The following MARCHF6 variants were observed in gnomAD, a reference collection of about 807,000 sequenced individuals.
MARCHF6 encodes the protein E3 ubiquitin-protein ligase MARCHF6.
Under a neutral mutation model 133.7 loss-of-function variants are expected in MARCHF6, and 31 were observed. The ratio of observed to expected loss-of-function variants is 0.23; its 90% CI spans 0.17 to 0.31. The LOEUF is 0.31. Ranked by LOEUF, MARCHF6 falls within the 10% of genes least tolerant of loss-of-function variation. The pLI is 1.00. For synonymous variants in MARCHF6, 395 were observed against 402.5 expected (o/e 0.98, Z 0.22); for missense variants, 723 against 1,121.6 (o/e 0.64, Z 5.08).
intron 6 of MARCHF6, 97 bp downstream of exon 6, chr5:10,390,597 AAAC>A (rs1290372741): frequency 8.8e-5 from 104 of 1,180,278 alleles, no homozygotes; most frequent in Non-Finnish European, 1.2e-6. Context: ...TGTCCCTCAT[AAAC>A]ATTCTTTTGT....
At chr5:10,372,682 C>G (rs768914350) in intron 1 of MARCHF6, among the ~76,000 whole-genome samples, 1 of 152,210 alleles carries the variant, frequency 6.6e-6, no homozygotes, top group Non-Finnish European at 1.5e-5. Flanking sequence ...AATAACAACA[C>G]TCATTATGTG....
Position 10,405,594 on chromosome 5 carries a change from T to C in MARCHF6, c.1369T>C (p.Leu457=), listed in dbSNP as rs925107663. 6 of 1,610,186 alleles carry C rather than the reference T, an allele frequency of 3.7e-6. No homozygotes were observed. Among genetic ancestry groups the C allele is most frequent in the Non-Finnish European group, 5.1e-6 (6 of 1,178,748 alleles). Residue 457 remains leucine (L), a synonymous_variant, in exon 16 of 26, where the codon TTG becomes CTG. Coordinates refer to ENST00000274140, the MANE Select transcript of MARCHF6 (RefSeq NM_005885.4). Reference sequence around the variant, plus strand: ...TGGTGTCCTGTGGTTTCTAAGGAATTTGAATGATCCAGATTTCAATCCAGT... The same window carrying C: ...TGGTGTCCTGTGGTTTCTAAGGAATCTGAATGATCCAGATTTCAATCCAGT... ...RPGVLWFLRN[L]NDPDFNPVQE...
At position 10,353,913 on chromosome 5, in the gene MARCHF6, G is replaced by A; in HGVS notation, c.15G>A (p.Glu5=). MDTA[E]EDICRVCRSE... ...CCCCAGACAAGATGGACACCGCGGA[G>A]GAAGGTAAGTCGGCGACGCGCGGCG... The change falls in exon 1 of 26, where the codon GAG becomes GAA. Residue 5 remains glutamate, a synonymous_variant. Transcript: ENST00000274140. The A allele has an allele frequency of 1.3e-6, 2 of 1,563,590 alleles. No individual in the cohort carries two copies. Among genetic ancestry groups the A allele is most frequent in the African/African-American group, 1.4e-5 (1 of 72,790 alleles).
chr5:10,402,225 T>C, intron 12 of MARCHF6, 86 bp downstream of exon 12: 1 of 1,114,058 alleles, frequency 9.0e-7, no homozygotes, highest in South Asian at 1.3e-5. Flanking sequence ...TGTCTATCCT[T>C]GTCCTCTTAG....
chr5:10,384,733 C>T (rs1342614631), intron 4 of MARCHF6, among the ~76,000 whole-genome samples: 2 of 152,122 alleles, frequency 1.3e-5, no homozygotes, highest in South Asian at 2.1e-4. Flanking sequence ...ATCTGGAACA[C>T]GTATACAGTG....
At chr5:10,419,966 G>T (rs867273103) in intron 22 of MARCHF6, among the ~76,000 whole-genome samples, 1 of 152,180 alleles carries the variant, frequency 6.6e-6, no homozygotes, top group Non-Finnish European at 1.5e-5. Flanking sequence ...GAATCATTTG[G>T]CTGGAAACAC....
intron 11 of MARCHF6, 96 bp from the exon 12 acceptor site, chr5:10,401,963 A>G (rs530549884): frequency 1.7e-5 from 13 of 755,710 alleles, no homozygotes; most frequent in East Asian, 7.9e-5. Flanking sequence ...TGTCTCAACA[A>G]TTCTCTTTTA....
intron 1 of MARCHF6, among the ~76,000 whole-genome samples, chr5:10,363,871 A>G (rs551423301): frequency 2.0e-5 from 3 of 152,326 alleles, no homozygotes; most frequent in South Asian, 2.1e-4. Flanking sequence ...CATATTTTCT[A>G]TGATCCTATT....
intron 1 of MARCHF6, among the ~76,000 whole-genome samples, chr5:10,369,810 C>G (rs1314657665): frequency 6.6e-6 from 1 of 152,022 alleles, no homozygotes; most frequent in Non-Finnish European, 1.5e-5. Context: ...ATCATCGTTG[C>G]ATGTATCACT....
At chr5:10,410,416 A>G in intron 18 of MARCHF6, 140 bp downstream of exon 18, 1 of 973,856 alleles carries the variant, frequency 1.0e-6, no homozygotes, top group Non-Finnish European at 1.5e-6. Flanking sequence ...TTGCAATTGC[A>G]TATAATACTT....
rs148915065 is a variant in MARCHF6, at chr5:10,422,485, C to A, written c.2284-1250C>A. On this transcript the variant is annotated intron_variant, in intron 22 of 25. Coordinates refer to ENST00000274140, the MANE Select transcript of MARCHF6 (RefSeq NM_005885.4). ...AATCAAAACAAGCTTCAAAAAACTG[C>A]ATTGTCATTGGACTTTTTTTCTGTA... 8.4e-3 allele frequency among the ~76,000 whole-genome samples: 1,286 copies of A among 152,210 alleles called. 15 individuals carry two copies. Among genetic ancestry groups the A allele is most frequent in the Non-Finnish European group, 0.013 (912 of 67,990 alleles).
At chr5:10,410,530 A>T (rs1739160185) in intron 18 of MARCHF6, among the ~76,000 whole-genome samples, 1 of 151,902 alleles carries the variant, frequency 6.6e-6, no homozygotes, top group Non-Finnish European at 1.5e-5. Context: ...TTCATGGAGT[A>T]AATGTCTTTT....
intron 24 of MARCHF6, among the ~76,000 whole-genome samples, chr5:10,427,159 C>T (rs1740129841): frequency 6.6e-6 from 1 of 152,202 alleles, no homozygotes; most frequent in African/African-American, 2.4e-5. Context: ...CTCTGGTCTC[C>T]AAGTGTCCCA....
At chr5:10,400,640 A>G (rs1045997206) in intron 10 of MARCHF6, 144 bp from the exon 11 acceptor site, 1 of 625,700 alleles carries the variant, frequency 1.6e-6, no homozygotes, top group Admixed American at 2.8e-5. Flanking sequence ...GTTACAGAGA[A>G]TGTCCTAGGC....
At position 10,430,000 on chromosome 5, in the gene MARCHF6, C is replaced by T. The variant is rs766225956; in HGVS notation, c.2614C>T (p.Arg872Cys). Residue 872 changes from arginine to cysteine, a missense_variant, in exon 25 of 26, where the codon CGC becomes TGC. By Grantham distance (180) the Arg-to-Cys change is radical. Around this residue, in one of 4 missense-constraint regions of MARCHF6, gnomAD observed 492 missense variants for 699.5 expected, o/e 0.70. Transcript: ENST00000274140. ...GTCCTTCCAAGTCCGCCAGTTTAAG[C>T]GCCTTTATGAACATATTAAAAATGA... ...ILSFQVRQFKRLYEHIKNDKY... is the reference protein window; with the variant it reads ...ILSFQVRQFKCLYEHIKNDKY... 5 of 1,613,214 alleles carry T rather than the reference C, an allele frequency of 3.1e-6. No individual in the cohort carries two copies. Among genetic ancestry groups the T allele is most frequent in the East Asian group, 4.5e-5 (2 of 44,868 alleles).
At position 10,418,418 on chromosome 5, in the gene MARCHF6, C is replaced by A. The variant is rs1013241559; in HGVS notation, c.2283+1014C>A. On this transcript the variant is annotated intron_variant, in intron 22 of 25. Coordinates refer to ENST00000274140, the MANE Select transcript of MARCHF6 (RefSeq NM_005885.4). ...AAAAACCAAGAGCATCCTGAGGGAA[C>A]CCATGTAAGTCACAGCAAAGGTCTT... is the stretch of plus-strand genomic sequence containing the variant. Among the ~76,000 whole-genome samples the A allele has an allele frequency of 3.5e-4, 52 of 150,378 alleles. 1 individual carries two copies. Among genetic ancestry groups the A allele is most frequent in the Non-Finnish European group, 1.5e-4 (10 of 67,778 alleles).
chr5:10,431,932 C>G (rs1053377434), intron 25 of MARCHF6, among the ~76,000 whole-genome samples: 1 of 152,004 alleles, frequency 6.6e-6, no homozygotes, highest in African/African-American at 2.4e-5. Flanking sequence ...AAAATATTTA[C>G]AAAATTCTCA....
chr5:10,403,975 T>A lies in MARCHF6; in HGVS notation c.1332+434T>A, dbSNP rs926140942. The stretch of plus-strand genomic sequence containing the variant: ...ATCATTTTGATTTAGGCGCCTTAAG[T>A]ATAGAATTACAATGAGGGTCCTTTA... On this transcript the variant is annotated intron_variant, in intron 15 of 25. Coordinates refer to ENST00000274140, the MANE Select transcript of MARCHF6 (RefSeq NM_005885.4). Among the ~76,000 whole-genome samples, 7 of 152,094 alleles carry A rather than the reference T, an allele frequency of 4.6e-5. 1 individual carries two copies. In the South Asian group the frequency reaches 1.2e-3, roughly 27 times the overall value.
At position 10,388,902 on chromosome 5, in the gene MARCHF6, A is replaced by G. The variant is rs139160546; in HGVS notation, c.408-1430A>G. On this transcript the variant is annotated intron_variant, in intron 5 of 25. Transcript: ENST00000274140. Reference sequence around the variant, plus strand: ...TAACAAACAGTTAGGATTATTGCTGATAGCAAGGAAGATGTAAAGGGGATA... The same window carrying G: ...TAACAAACAGTTAGGATTATTGCTGGTAGCAAGGAAGATGTAAAGGGGATA... Among the ~76,000 whole-genome samples, 44 of 152,358 alleles carry G rather than the reference A, an allele frequency of 2.9e-4. No individual in the cohort carries two copies. The East Asian group carries it at 8.5e-3, about 29-fold the overall frequency.
Sources: gnomAD v4.1 joint callset for allele counts (sites outside exome capture counted in the v4.1 genomes callset) on GRCh38, gnomAD v4.1.1 for gene constraint, gnomAD v4.1.1 regional missense constraint, MANE v1.5 for transcripts, NCBI Gene and HGNC (gene_info 2026-07-23, HGNC 2026-07-21) for gene names.